Variants in DSG2 observed in about 807,000 individuals in gnomAD.
DSG2 encodes desmoglein 2, also known as desmoglein-2.
Under a neutral mutation model 75.6 loss-of-function variants are expected in DSG2, and 45 were observed. The ratio of observed to expected loss-of-function variants is 0.60; its 90% confidence interval spans 0.47 to 0.76. The LOEUF is 0.76. DSG2 is among the 30% of genes least tolerant of loss of function. DSG2 has a pLI of 0.00. For missense variants in DSG2, 1,267 were observed against 1,357.4 expected, an observed-to-expected ratio of 0.93 and a Z score of 1.05; for synonymous variants, 429 against 483.9, an observed-to-expected ratio of 0.89 and a Z score of 1.49.
chr18:31,525,121 A>G (rs1197121102), intron 8 of DSG2, among the ~76,000 whole-genome samples: 1 of 152,138 alleles, frequency 6.6e-6, no homozygotes, highest in Non-Finnish European at 1.5e-5. Flanking sequence ...GCATGGTACC[A>G]CCATCATTAC....
intron 11 of DSG2, among the ~76,000 whole-genome samples, chr18:31,538,000 T>TAAG (rs577490649): frequency 6.6e-6 from 1 of 151,766 alleles, no homozygotes; most frequent in Non-Finnish European, 1.5e-5. Context: ...TTTCAAAAAA[T>TAAG]AAGAAGAAGA....
At chr18:31,501,132 A>T (rs2144282635) in intron 1 of DSG2, among the ~76,000 whole-genome samples, 1 of 152,326 alleles carries the variant, frequency 6.6e-6, no homozygotes, top group African/African-American at 2.4e-5. Context: ...ACAAATTGGT[A>T]TTTTAAAAAT....
chr18:31,501,028 A>T (rs979189994), intron 1 of DSG2, among the ~76,000 whole-genome samples: 3 of 152,206 alleles, frequency 2.0e-5, no homozygotes, highest in Admixed American at 6.5e-5. Context: ...TCTTATGGTG[A>T]TCTCAAAATA....
At chr18:31,516,353 G>A (rs377229296) in intron 1 of DSG2, among the ~76,000 whole-genome samples, 1 of 152,242 alleles carries the variant, frequency 6.6e-6, no homozygotes, top group Non-Finnish European at 1.5e-5. Context: ...TCTTCTGTGG[G>A]GAAAGAAGGG....
Position 31,522,231 on chromosome 18 carries a change from T to C in DSG2, c.672T>C (p.Ser224=). 1 of 1,613,708 alleles carries C rather than the reference T, an allele frequency of 6.2e-7. No individual in the cohort carries two copies. The highest frequency in any genetic ancestry group is 8.5e-7 in the Non-Finnish European group (1 of 1,179,672). ...ATACAGGAGAGATTTATACAACCAG[T>C]GTTACCTTGGACAGAGAGGTAAGTT... The part of the protein sequence containing the change: ...NKDTGEIYTT[S]VTLDREEHSS... The change falls in exon 6 of 15, where the codon AGT becomes AGC. Residue 224 remains serine, a synonymous_variant. Coordinates refer to ENST00000261590, the MANE Select transcript of DSG2 (RefSeq NM_001943.5).
intron 1 of DSG2, among the ~76,000 whole-genome samples, chr18:31,508,482 C>T (rs936392396): frequency 1.3e-5 from 2 of 152,012 alleles, no homozygotes; most frequent in African/African-American, 4.8e-5. Flanking sequence ...CAACCTCCGC[C>T]TCCTGGGTTC....
In DSG2 at chr18:31,536,430, G is replaced by A; in HGVS notation, c.1651+1G>A. 1 of 1,612,492 alleles carries A rather than the reference G, an allele frequency of 6.2e-7. No homozygotes were observed. The highest frequency in any genetic ancestry group is 1.1e-5 in the South Asian group (1 of 91,022). On this transcript the variant is annotated splice_donor_variant, in intron 11 of 14. Transcript: ENST00000261590. LOFTEE classifies it high-confidence loss of function. ...AAATGGAAAATAGCACGCCAAGAAA[G>A]TAAGCAAAATCACTGGACTACATAG...
intron 4 of DSG2, 27 bp downstream of exon 4, chr18:31,520,991 A>G: frequency 6.2e-7 from 1 of 1,610,800 alleles, no homozygotes. Context: ...TAGATTTATT[A>G]GTTTGTAGTT....
intron 6 of DSG2, among the ~76,000 whole-genome samples, chr18:31,523,357 C>T (rs774507481): frequency 5.3e-5 from 8 of 151,974 alleles, no homozygotes; most frequent in East Asian, 3.9e-4. Context: ...GCTGAGATCG[C>T]GCCACTGCAC....
At position 31,541,193 on chromosome 18, in the gene DSG2, T is replaced by C. The variant is rs749033190; in HGVS notation, c.1880T>C (p.Leu627Ser). Residue 627 changes from leucine to serine, a missense_variant and splice_region_variant, in exon 13 of 15, where the codon TTG (leucine) becomes TCG (serine). Transcript: ENST00000261590. ...LMILAFLLLL[L>S]VPLLLLMCHC... ...TGTGTTCAATTTTGTGTCTGTACAG[T>C]GGTACCACTTTTACTGCTGATGTGC... 6.2e-7 allele frequency: 1 copy of C among 1,614,150 alleles called. No individual in the cohort carries two copies. The highest frequency in any genetic ancestry group is 8.5e-7 in the Non-Finnish European group (1 of 1,179,988).
At chr18:31,534,508 A>AT (rs80270967) in intron 9 of DSG2, among the ~76,000 whole-genome samples, 3,885 of 112,522 alleles carry the variant, frequency 0.035, 232 homozygotes, top group African/African-American at 0.1. Context: ...ATGATCATTG[A>AT]TTTTTTTTTT....
In DSG2 at chr18:31,521,098, G is replaced by C. The variant is rs1472037685; in HGVS notation, c.379-1G>C. ...TAATCTTATTTATGTCATGATTTCA[G>C]CTAACAGGTTACGCTTTGGATGCAA... On this transcript the variant is annotated splice_acceptor_variant, in intron 4 of 14. Transcript: ENST00000261590. LOFTEE classifies it high-confidence loss of function. 6.2e-7 allele frequency: 1 copy of C among 1,613,784 alleles called. No individual in the cohort carries two copies. The highest frequency in any genetic ancestry group is 8.5e-7 in the Non-Finnish European group (1 of 1,179,902).
chr18:31,517,997 T>G (rs1450534696), intron 1 of DSG2, among the ~76,000 whole-genome samples: 1 of 152,186 alleles, frequency 6.6e-6, no homozygotes, highest in African/African-American at 2.4e-5. Context: ...TTTTGTTTGT[T>G]TTTTAAGATA....
At chr18:31,499,646 G>A (rs547005735) in intron 1 of DSG2, among the ~76,000 whole-genome samples, 3 of 152,210 alleles carry the variant, frequency 2.0e-5, no homozygotes, top group African/African-American at 4.8e-5. Context: ...TCACCTTGAT[G>A]TTTCCTTGTT....
intron 1 of DSG2, among the ~76,000 whole-genome samples, chr18:31,512,186 C>T (rs1355985017): frequency 6.6e-6 from 1 of 152,086 alleles, no homozygotes; most frequent in Non-Finnish European, 1.5e-5. Flanking sequence ...CCCTCAACAC[C>T]ACCCCTGTCT....
At chr18:31,507,100 C>T (rs2073042964) in intron 1 of DSG2, among the ~76,000 whole-genome samples, 1 of 152,094 alleles carries the variant, frequency 6.6e-6, no homozygotes, top group Non-Finnish European at 1.5e-5. Context: ...CAACAGGCCG[C>T]AGTGTGTGAC....
In DSG2 at chr18:31,498,256, C is replaced by G; in HGVS notation, c.5C>G (p.Ala2Gly). MARSPGRAYALL... is the reference protein window; with the variant it reads MGRSPGRAYALL... Reference sequence around the variant, plus strand: ...GGAGGCGGAGGCGAGGGTGCGATGGCGCGGAGCCCGGGACGCGCGTACGCC... The same window carrying G: ...GGAGGCGGAGGCGAGGGTGCGATGGGGCGGAGCCCGGGACGCGCGTACGCC... Residue 2 changes from alanine to glycine, a missense_variant, in exon 1 of 15, where the codon GCG (alanine) becomes GGG (glycine). Coordinates refer to ENST00000261590, the MANE Select transcript of DSG2 (RefSeq NM_001943.5). 1 of 1,259,466 alleles carries G rather than the reference C, an allele frequency of 7.9e-7. No individual in the cohort carries two copies. The highest frequency in any genetic ancestry group is 1.0e-6 in the Non-Finnish European group (1 of 998,258). 78.0% of individuals were successfully genotyped at this position (1,259,466 alleles called of 1,614,324 possible). A position where few individuals can be genotyped will look rare whatever the true frequency, so the allele number is the denominator to read the frequency against.
intron 1 of DSG2, among the ~76,000 whole-genome samples, chr18:31,503,599 G>A (rs73416205): frequency 0.088 from 13,370 of 152,170 alleles, 1,518 homozygotes; most frequent in African/African-American, 0.27. Flanking sequence ...GAAAAGATGG[G>A]CTTTGGGTGA....
At chr18:31,505,933 G>A (rs571810743) in intron 1 of DSG2, among the ~76,000 whole-genome samples, 99 of 152,242 alleles carry the variant, frequency 6.5e-4, no homozygotes, top group African/African-American at 2.3e-3. Flanking sequence ...GATTACAGGC[G>A]TGAGCCACCG....
Sources: allele counts gnomAD v4.1 joint callset (sites outside exome capture counted in the v4.1 genomes callset), GRCh38; gene constraint gnomAD v4.1.1; transcripts MANE v1.5; gene names NCBI Gene and HGNC (gene_info 2026-07-23, HGNC 2026-07-21).